The following NEK10 variants were observed in gnomAD, a reference collection of about 807,000 sequenced individuals.
The protein encoded by NEK10 is NIMA related kinase 10, also known as serine/threonine-protein kinase Nek10.
Under a neutral mutation model 159.8 loss-of-function variants are expected in NEK10, and 122 were observed. That is an observed-to-expected ratio of 0.76 (90% CI 0.66 to 0.89). NEK10 has a LOEUF of 0.89. Among genes scored for constraint, NEK10 ranks in the 40% least tolerant of loss-of-function variants. The pLI is 0.00. For missense variants in NEK10, 1,342 were observed against 1,323.1 expected (o/e 1.01, Z -0.22); for synonymous variants, 466 against 457.1 (o/e 1.02, Z -0.25).
chr3:27,240,998 T>A (rs1954497692), intron 23 of NEK10, among the ~76,000 whole-genome samples: 1 of 152,086 alleles, frequency 6.6e-6, no homozygotes, highest in Non-Finnish European at 1.5e-5. Context: ...CAGCCTGGTA[T>A]TGCTATTTTG....
chr3:27,196,819 C>G (rs1409037829), intron 25 of NEK10, among the ~76,000 whole-genome samples: 1 of 152,156 alleles, frequency 6.6e-6, no homozygotes, highest in African/African-American at 2.4e-5. Context: ...CCTCTGACGA[C>G]TCTGTCAATT....
intron 31 of NEK10, among the ~76,000 whole-genome samples, chr3:27,136,339 C>T (rs1368623798): frequency 6.6e-6 from 1 of 151,984 alleles, no homozygotes; most frequent in East Asian, 1.9e-4. Context: ...GTCTCGATCT[C>T]CTGACCTTGT....
intron 22 of NEK10, among the ~76,000 whole-genome samples, chr3:27,280,493 G>A (rs1193047434): frequency 3.3e-5 from 5 of 152,126 alleles, no homozygotes; most frequent in African/African-American, 4.8e-5. Flanking sequence ...AACCAAGCAC[G>A]GTAGAATTCG....
intron 31 of NEK10, 148 bp downstream of exon 31, chr3:27,141,334 C>T (rs1943763993): frequency 3.9e-6 from 2 of 518,140 alleles, no homozygotes; most frequent in Non-Finnish European, 6.7e-6. Context: ...CCCAGCTCTG[C>T]TGCTAAACTA....
chr3:27,192,694 T>C (rs933492846), intron 25 of NEK10, among the ~76,000 whole-genome samples: 1 of 152,068 alleles, frequency 6.6e-6, no homozygotes, highest in African/African-American at 2.4e-5. Context: ...AAGGTAATAT[T>C]AGCAGCTGAA....
At chr3:27,261,922 A>T (rs878910949) in intron 22 of NEK10, among the ~76,000 whole-genome samples, 1 of 152,132 alleles carries the variant, frequency 6.6e-6, no homozygotes, top group Non-Finnish European at 1.5e-5. Flanking sequence ...TTGGGTGCAT[A>T]TATATTTAGG....
intron 25 of NEK10, among the ~76,000 whole-genome samples, chr3:27,193,600 ATTTTTTTT>A (rs141331589): frequency 8.7e-4 from 48 of 55,080 alleles, no homozygotes; most frequent in East Asian, 1.5e-3. Flanking sequence ...CATATGCTTG[ATTTTTTTT>A]TTTTTTTTTT....
intron 4 of NEK10, among the ~76,000 whole-genome samples, chr3:27,345,244 G>C (rs1207047932): frequency 6.6e-6 from 1 of 152,138 alleles, no homozygotes; most frequent in Non-Finnish European, 1.5e-5. Flanking sequence ...TGGACAGCAT[G>C]TCCCCATCCT....
chr3:27,344,812 C>T (rs1409730450), intron 4 of NEK10, among the ~76,000 whole-genome samples: 1 of 152,160 alleles, frequency 6.6e-6, no homozygotes, highest in Non-Finnish European at 1.5e-5. Flanking sequence ...ATCTTGCTAT[C>T]AACACCAGTG....
At chr3:27,258,989 A>G (rs1367168282) in intron 22 of NEK10, among the ~76,000 whole-genome samples, 3 of 151,792 alleles carry the variant, frequency 2.0e-5, no homozygotes, top group Admixed American at 1.3e-4. Context: ...GCATTTTTTC[A>G]TCTGTCCTTT....
At chr3:27,289,526 C>T (rs1282379826) in intron 19 of NEK10, among the ~76,000 whole-genome samples, 2 of 152,202 alleles carry the variant, frequency 1.3e-5, no homozygotes, top group East Asian at 3.9e-4. Flanking sequence ...AACAAATAAT[C>T]TACTGCATCA....
intron 25 of NEK10, 104 bp downstream of exon 25, chr3:27,201,406 G>A: frequency 2.1e-6 from 2 of 937,130 alleles, no homozygotes; most frequent in Non-Finnish European, 3.3e-6. Context: ...GATTATGTAG[G>A]GACTCTTTCT....
rs770358777 is a variant in NEK10, at chr3:27,312,133, C to T, written c.534G>A (p.Glu178=). Residue 178 remains glutamate (E), a synonymous_variant, in exon 8 of 36, where the codon GAG becomes GAA. Transcript: ENST00000691995. ...VANEYLGYGE[E]QHTVDKLVNM... ...TGACCAGCTTGTCCACAGTGTGCTG[C>T]TCTTCTCCATAGCCGAGGTACTCAT... The T allele has an allele frequency of 1.2e-6, 2 of 1,612,732 alleles. No individual in the cohort carries two copies. Among genetic ancestry groups the T allele is most frequent in the South Asian group, 2.2e-5 (2 of 90,724 alleles).
intron 5 of NEK10, among the ~76,000 whole-genome samples, chr3:27,340,738 T>A (rs2149765074): frequency 6.6e-6 from 1 of 152,286 alleles, no homozygotes; most frequent in Non-Finnish European, 1.5e-5. Context: ...AGGGAACTCA[T>A]ACACTGTTTG....
chr3:27,330,043 A>C (rs1559511220), intron 5 of NEK10, among the ~76,000 whole-genome samples: 2 of 151,916 alleles, frequency 1.3e-5, no homozygotes, highest in Non-Finnish European at 2.9e-5. Flanking sequence ...CTATGTAAGT[A>C]CTTTTTATTG....
intron 26 of NEK10, among the ~76,000 whole-genome samples, chr3:27,185,382 T>C (rs760150164): frequency 1.2e-4 from 18 of 152,006 alleles, no homozygotes; most frequent in Non-Finnish European, 2.6e-4. Context: ...TTTTGGAAAA[T>C]AGTTTGGGTA....
At chr3:27,136,877 C>T (rs1263933590) in intron 31 of NEK10, among the ~76,000 whole-genome samples, 2 of 152,074 alleles carry the variant, frequency 1.3e-5, no homozygotes, top group African/African-American at 4.8e-5. Flanking sequence ...GATATGTGGC[C>T]CCTCAGTTTA....
At chr3:27,360,583 T>C (rs2048616389) in intron 1 of NEK10, among the ~76,000 whole-genome samples, 1 of 152,154 alleles carries the variant, frequency 6.6e-6, no homozygotes, top group Non-Finnish European at 1.5e-5. Flanking sequence ...TGGAAAACTC[T>C]AAGGCAGATG....
At chr3:27,338,502 A>G (rs987377262) in intron 5 of NEK10, among the ~76,000 whole-genome samples, 8 of 152,186 alleles carry the variant, frequency 5.3e-5, no homozygotes, top group African/African-American at 1.9e-4. Context: ...ATCCTAGAGG[A>G]ATTGCCACAC....
Sources: allele counts gnomAD v4.1 joint callset (sites outside exome capture counted in the v4.1 genomes callset), GRCh38; gene constraint gnomAD v4.1.1; transcripts MANE v1.5; gene names NCBI Gene and HGNC (gene_info 2026-07-23, HGNC 2026-07-21).